The following EPB41L4B variants were observed in gnomAD, a reference collection of about 807,000 sequenced individuals.
EPB41L4B encodes erythrocyte membrane protein band 4.1 like 4B, also known as band 4.1-like protein 4B.
In EPB41L4B, 30 loss-of-function variants were observed where a neutral mutation model predicts 112.5. The ratio of observed to expected loss-of-function variants is 0.27; its 90% confidence interval spans 0.20 to 0.36. The LOEUF (loss-of-function observed/expected upper bound fraction) is 0.36, where lower values mean the gene tolerates loss of function less well. Ranked by LOEUF, EPB41L4B falls within the 10% of genes least tolerant of loss-of-function variation. EPB41L4B has a pLI of 1.00. For missense variants in EPB41L4B, 1,024 were observed against 1,133.3 expected, an observed-to-expected ratio of 0.90 and a Z score of 1.38; for synonymous variants, 408 against 439.7, an observed-to-expected ratio of 0.93 and a Z score of 0.90.
intron 1 of EPB41L4B, among the ~76,000 whole-genome samples, chr9:109,313,530 G>A (rs1448920359): frequency 3.9e-5 from 6 of 152,202 alleles, no homozygotes; most frequent in Non-Finnish European, 7.3e-5. Flanking sequence ...GGCGAGAGTC[G>A]AGACTGCCCC....
At chr9:109,176,778 C>G (rs1831858045) in intron 24 of EPB41L4B, 82 bp from the exon 25 acceptor site, 1 of 1,488,246 alleles carries the variant, frequency 6.7e-7, no homozygotes, top group African/African-American at 1.4e-5. Context: ...AAGCCTTACT[C>G]TACAGTTCCT....
chr9:109,211,911 G>GT (rs932499171), intron 17 of EPB41L4B, among the ~76,000 whole-genome samples: 98 of 150,250 alleles, frequency 6.5e-4, no homozygotes, highest in African/African-American at 2.2e-3. Flanking sequence ...AGATGGGGGG[G>GT]GTCTCGCCAT....
intron 1 of EPB41L4B, chr9:109,300,766 A>C (rs1302700639): frequency 1.3e-5 from 2 of 152,182 alleles, no homozygotes; most frequent in East Asian, 3.8e-4. Flanking sequence ...AGCCTGGGCG[A>C]CAAAGCAAGA....
intron 18 of EPB41L4B, among the ~76,000 whole-genome samples, chr9:109,204,012 G>A (rs1248408910): frequency 1.3e-5 from 2 of 152,302 alleles, no homozygotes; most frequent in Middle Eastern, 3.4e-3. Context: ...GCTTGAATTA[G>A]AAAGGGATAG....
intron 15 of EPB41L4B, among the ~76,000 whole-genome samples, chr9:109,230,592 G>A (rs1405863008): frequency 6.6e-6 from 1 of 152,166 alleles, no homozygotes; most frequent in Non-Finnish European, 1.5e-5. Context: ...TTTTAATTTG[G>A]TAGAGACTAA....
chr9:109,237,323 T>C (rs1306326337), intron 15 of EPB41L4B, among the ~76,000 whole-genome samples: 2 of 152,322 alleles, frequency 1.3e-5, no homozygotes, highest in South Asian at 2.1e-4. Context: ...CTGGCATGAA[T>C]TACATCAATC....
At chr9:109,223,926 C>T (rs919445441) in intron 15 of EPB41L4B, among the ~76,000 whole-genome samples, 8 of 151,782 alleles carry the variant, frequency 5.3e-5, no homozygotes, top group African/African-American at 1.2e-4. Flanking sequence ...GGCTGAAGCA[C>T]GAGAATTACT....
chr9:109,297,974 C>T (rs933010953), intron 1 of EPB41L4B, among the ~76,000 whole-genome samples: 1 of 152,128 alleles, frequency 6.6e-6, no homozygotes, highest in Non-Finnish European at 1.5e-5. Flanking sequence ...GCATCACTAT[C>T]CATTCATCTG....
At chr9:109,186,885 G>C (rs529734243) in intron 22 of EPB41L4B, among the ~76,000 whole-genome samples, 1 of 152,192 alleles carries the variant, frequency 6.6e-6, no homozygotes, top group African/African-American at 2.4e-5. Context: ...CCCAGCCGTG[G>C]CATCTCGTTT....
intron 22 of EPB41L4B, among the ~76,000 whole-genome samples, chr9:109,188,865 C>T (rs1395046294): frequency 2.0e-5 from 3 of 152,060 alleles, no homozygotes; most frequent in Non-Finnish European, 4.4e-5. Context: ...CAGAGAGGGA[C>T]GAGCCCCAAA....
chr9:109,318,625 C>A (rs1020233267), intron 1 of EPB41L4B, among the ~76,000 whole-genome samples: 3 of 152,136 alleles, frequency 2.0e-5, no homozygotes, highest in Non-Finnish European at 4.4e-5. Context: ...CCAGAGGCAG[C>A]CTGCTCCCCT....
chr9:109,299,976 A>C (rs1460361896), intron 1 of EPB41L4B, among the ~76,000 whole-genome samples: 1 of 152,238 alleles, frequency 6.6e-6, no homozygotes, highest in African/African-American at 2.4e-5. Flanking sequence ...GTGAACAGAA[A>C]TAACACCCAA....
At chr9:109,276,159 ACACACACACAC>A in intron 2 of EPB41L4B, among the ~76,000 whole-genome samples, 1 of 922 alleles carries the variant, frequency 1.1e-3, no homozygotes, top group Non-Finnish European at 1.3e-3. Flanking sequence ...GTGTATACAC[ACACACACACAC>A]ACACACACAC....
At chr9:109,266,968 CAAAAAAAAAA>C (rs3061574) in intron 4 of EPB41L4B, among the ~76,000 whole-genome samples, 1,888 of 91,818 alleles carry the variant, frequency 0.021, 43 homozygotes, top group African/African-American at 0.064. Context: ...GATTTTGTTT[CAAAAAAAAAA>C]AAAAAAAAAA....
intron 1 of EPB41L4B, among the ~76,000 whole-genome samples, chr9:109,287,640 G>A (rs1836343985): frequency 6.6e-6 from 1 of 152,120 alleles, no homozygotes; most frequent in Admixed American, 6.5e-5. Flanking sequence ...CAGATGATGT[G>A]TCTTTCTTTT....
At position 109,320,766 on chromosome 9, in the gene EPB41L4B, G is replaced by T; in HGVS notation, c.-320C>A. 1 of 144,802 alleles carries T rather than the reference G, an allele frequency of 6.9e-6. No homozygotes were observed. The highest frequency in any genetic ancestry group is 2.1e-4 in the South Asian group (1 of 4,816). 9.0% of individuals were successfully genotyped at this position (144,802 alleles called of 1,614,324 possible). A position where few individuals can be genotyped will look rare whatever the true frequency, so the allele number is the denominator to read the frequency against. On this transcript the variant is annotated 5_prime_UTR_variant, in exon 1 of 26. Coordinates refer to ENST00000374566, the MANE Select transcript of EPB41L4B (RefSeq NM_019114.5). ...GCGCGGGCTGCCGAGGGGCTGCTCC[G>T]GACGGGCGGCTGCGGGCTGCCAGGG...
intron 22 of EPB41L4B, among the ~76,000 whole-genome samples, chr9:109,190,310 C>G (rs149362068): frequency 5.9e-4 from 90 of 152,312 alleles, no homozygotes; most frequent in African/African-American, 2.0e-3. Context: ...AGGGGTAATT[C>G]ACTGCCTGTG....
chr9:109,213,568 A>G, intron 17 of EPB41L4B, 132 bp downstream of exon 17: 1 of 702,050 alleles, frequency 1.4e-6, no homozygotes, highest in Non-Finnish European at 2.5e-6. Flanking sequence ...CTGAACAGAA[A>G]TGTCAGGAAA....
intron 15 of EPB41L4B, among the ~76,000 whole-genome samples, chr9:109,238,036 G>A (rs375498866): frequency 8.5e-5 from 13 of 152,224 alleles, no homozygotes; most frequent in African/African-American, 2.9e-4. Flanking sequence ...TGAGAGGCAA[G>A]AGACCACTGT....
Sources: gnomAD v4.1 joint callset for allele counts (sites outside exome capture counted in the v4.1 genomes callset) on GRCh38, gnomAD v4.1.1 for gene constraint, MANE v1.5 for transcripts, NCBI Gene and HGNC (gene_info 2026-07-23, HGNC 2026-07-21) for gene names.